ANO6: variants seen among roughly 807,000 people sequenced by gnomAD.
The protein encoded by ANO6 is anoctamin-6.
A neutral mutation model predicts 117.5 loss-of-function variants in ANO6; 106 were observed. That is an observed-to-expected ratio of 0.90 (90% CI 0.77 to 1.06). ANO6 has a LOEUF of 1.06. Among genes scored for constraint, ANO6 ranks in the 50% least tolerant of loss-of-function variants. The pLI is 0.00. For synonymous variants in ANO6, 367 were observed against 385.1 expected, an observed-to-expected ratio of 0.95 and a Z score of 0.55; for missense variants, 955 against 1,121.1, an observed-to-expected ratio of 0.85 and a Z score of 2.12.
At chr12:45,256,348 G>T (rs1038294414) in intron 1 of ANO6, 11 of 152,114 alleles carry the variant, frequency 7.2e-5, no homozygotes, top group Admixed American at 6.5e-4. Context: ...TTTACGTATG[G>T]CAGTGCAGGT....
chr12:45,236,778 G>C (rs1947652165), intron 1 of ANO6, among the ~76,000 whole-genome samples: 1 of 152,134 alleles, frequency 6.6e-6, no homozygotes, highest in Non-Finnish European at 1.5e-5. Context: ...GGTATTTCTA[G>C]TTCTAGATCC....
At chr12:45,355,244 A>G (rs905570936) in intron 7 of ANO6, among the ~76,000 whole-genome samples, 1 of 152,314 alleles carries the variant, frequency 6.6e-6, no homozygotes, top group Admixed American at 6.5e-5. Flanking sequence ...CAATGATCAG[A>G]AAATATTGCA....
At chr12:45,308,566 C>A (rs887133661) in intron 2 of ANO6, among the ~76,000 whole-genome samples, 1 of 151,996 alleles carries the variant, frequency 6.6e-6, no homozygotes, top group Non-Finnish European at 1.5e-5. Context: ...AGAGCCTACT[C>A]AATGGTAGTG....
At chr12:45,257,653 G>T (rs1232346020) in intron 1 of ANO6, among the ~76,000 whole-genome samples, 3 of 152,080 alleles carry the variant, frequency 2.0e-5, no homozygotes, top group Admixed American at 2.0e-4. Flanking sequence ...ACACATCACT[G>T]CCTTGGTTCT....
intron 9 of ANO6, among the ~76,000 whole-genome samples, chr12:45,375,238 A>G (rs1444943266): frequency 6.6e-6 from 1 of 152,244 alleles, no homozygotes; most frequent in African/African-American, 2.4e-5. Context: ...TTCCATGCTC[A>G]TTGGTAGGAA....
intron 1 of ANO6, among the ~76,000 whole-genome samples, chr12:45,221,062 G>C (rs184715609): frequency 5.4e-5 from 8 of 148,608 alleles, no homozygotes; most frequent in South Asian, 2.1e-4. Flanking sequence ...TCGGAAGTGG[G>C]GGGGGGCAGC....
intron 9 of ANO6, among the ~76,000 whole-genome samples, chr12:45,370,008 G>A (rs988698656): frequency 6.6e-6 from 1 of 152,136 alleles, no homozygotes; most frequent in Non-Finnish European, 1.5e-5. Context: ...ATTCTAGTTG[G>A]TTTCTCTGCT....
intron 17 of ANO6, among the ~76,000 whole-genome samples, chr12:45,418,288 A>G (rs1943264996): frequency 1.3e-5 from 2 of 152,202 alleles, no homozygotes; most frequent in African/African-American, 4.8e-5. Context: ...ATTGCATGCT[A>G]TCTGTACTAT....
chr12:45,225,288 A>T (rs1947464822), intron 1 of ANO6, among the ~76,000 whole-genome samples: 1 of 151,962 alleles, frequency 6.6e-6, no homozygotes, highest in African/African-American at 2.4e-5. Context: ...TATTTTAATA[A>T]GTTTTCACTC....
intron 3 of ANO6, among the ~76,000 whole-genome samples, chr12:45,345,953 GGAGA>G (rs1296235990): frequency 6.7e-6 from 1 of 149,078 alleles, no homozygotes; most frequent in Admixed American, 6.7e-5. Flanking sequence ...CGGTGGTGGG[GGAGA>G]GAGAGGTGGT....
At chr12:45,398,843 G>A (rs751548548) in intron 12 of ANO6, among the ~76,000 whole-genome samples, 141 of 152,316 alleles carry the variant, frequency 9.3e-4, no homozygotes, top group African/African-American at 3.3e-3. Context: ...CATGTAGATA[G>A]TAGATAAATT....
At chr12:45,381,028 C>T (rs539119217) in intron 10 of ANO6, among the ~76,000 whole-genome samples, 8 of 152,260 alleles carry the variant, frequency 5.3e-5, no homozygotes, top group East Asian at 3.9e-4. Flanking sequence ...CTGTGGGTTA[C>T]GAGGCCTAAA....
intron 2 of ANO6, among the ~76,000 whole-genome samples, chr12:45,320,309 G>A (rs540590181): frequency 1.3e-5 from 2 of 151,850 alleles, no homozygotes; most frequent in Non-Finnish European, 2.9e-5. Context: ...AGAGATTCTG[G>A]TATGTTGTGT....
At chr12:45,416,538 T>C (rs1188799223) in intron 16 of ANO6, among the ~76,000 whole-genome samples, 161 bp from the exon 17 acceptor site, 1 of 152,248 alleles carries the variant, frequency 6.6e-6, no homozygotes, top group Non-Finnish European at 1.5e-5. Flanking sequence ...ATTTGTGTTT[T>C]GTTTGAATTC....
In ANO6 at chr12:45,239,486, A is replaced by G. The variant is rs1039071972; in HGVS notation, c.70+23095A>G. The stretch of plus-strand genomic sequence containing the variant: ...ATCAATTTTGTTGATCTTTTCAGAA[A>G]ACCAGCTCCTGGATTCATTGATTTT... On this transcript the variant is annotated intron_variant, in intron 1 of 19. Transcript: ENST00000320560. 2.1e-5 allele frequency among the ~76,000 whole-genome samples: 3 copies of G among 146,112 alleles called. No individual in the cohort carries two copies. In the Admixed American group the frequency reaches 2.1e-4, roughly 10 times the overall value.
chr12:45,364,882 G>A (rs945271639), intron 8 of ANO6, among the ~76,000 whole-genome samples: 21 of 152,188 alleles, frequency 1.4e-4, no homozygotes, highest in African/African-American at 5.1e-4. Context: ...GACATTTTAA[G>A]TATTATAATG....
At chr12:45,400,547 T>C (rs1229539174) in intron 12 of ANO6, among the ~76,000 whole-genome samples, 1 of 152,256 alleles carries the variant, frequency 6.6e-6, no homozygotes, top group Non-Finnish European at 1.5e-5. Flanking sequence ...TAATCATAGC[T>C]AATACTTATT....
At chr12:45,350,509 T>A (rs1593000012) in intron 6 of ANO6, 150 bp from the exon 7 acceptor site, 1 of 699,782 alleles carries the variant, frequency 1.4e-6, no homozygotes, top group East Asian at 2.8e-5. Flanking sequence ...TGGTTAAGAA[T>A]CACTAAAAAT....
chr12:45,406,843 T>G (rs1942947692), intron 15 of ANO6, among the ~76,000 whole-genome samples: 2 of 152,208 alleles, frequency 1.3e-5, no homozygotes. Flanking sequence ...ATCTCCATTA[T>G]GTGGATTAAA....
Sources: allele counts gnomAD v4.1 joint callset (sites outside exome capture counted in the v4.1 genomes callset), GRCh38; gene constraint gnomAD v4.1.1; transcripts MANE v1.5; gene names NCBI Gene and HGNC (gene_info 2026-07-23, HGNC 2026-07-21).